The following SLC25A13 variants were observed in gnomAD, a reference collection of about 807,000 sequenced individuals.
SLC25A13 encodes the protein solute carrier family 25 member 13, also known as electrogenic aspartate/glutamate antiporter SLC25A13, mitochondrial.
SLC25A13 carries 70 observed loss-of-function variants against 85.5 expected under a neutral mutation model. That is an observed-to-expected ratio of 0.82 (90% CI 0.68 to 1.00). The LOEUF is 1.00. SLC25A13 is among the 50% of genes least tolerant of loss of function. The pLI, the probability that SLC25A13 is intolerant of heterozygous loss-of-function variation, is 0.00. For synonymous variants in SLC25A13, 259 were observed against 288.7 expected, an observed-to-expected ratio of 0.90 and a Z score of 1.04; for missense variants, 765 against 819.8, an observed-to-expected ratio of 0.93 and a Z score of 0.82.
intron 15 of SLC25A13, among the ~76,000 whole-genome samples, chr7:96,130,613 A>G (rs1791983056): frequency 6.6e-6 from 1 of 152,190 alleles, no homozygotes; most frequent in African/African-American, 2.4e-5. Context: ...CCTTTGGTTC[A>G]AAACATTTTC....
chr7:96,130,527 CA>C (rs1178749691), intron 15 of SLC25A13, among the ~76,000 whole-genome samples: 1 of 152,172 alleles, frequency 6.6e-6, no homozygotes, highest in African/African-American at 2.4e-5. Context: ...CAAGGTCACA[CA>C]TTAATAAGTG....
At chr7:96,185,848 C>T (rs1402229588) in intron 9 of SLC25A13, among the ~76,000 whole-genome samples, 4 of 146,108 alleles carry the variant, frequency 2.7e-5, no homozygotes, top group South Asian at 2.2e-4. Context: ...TGCAGTGAGC[C>T]GAGATCGCGC....
At chr7:96,140,918 C>G (rs188758065) in intron 14 of SLC25A13, among the ~76,000 whole-genome samples, 2 of 151,892 alleles carry the variant, frequency 1.3e-5, no homozygotes, top group Admixed American at 6.6e-5. Context: ...GGAGAAATAT[C>G]TATTCTAGTC....
chr7:96,252,474 C>T (rs534075762), intron 3 of SLC25A13, among the ~76,000 whole-genome samples: 42 of 152,164 alleles, frequency 2.8e-4, no homozygotes, highest in African/African-American at 7.7e-4. Context: ...CTATTAGGTA[C>T]GCAAATGGAC....
At chr7:96,278,659 G>T (rs553034327) in intron 2 of SLC25A13, among the ~76,000 whole-genome samples, 57 of 152,126 alleles carry the variant, frequency 3.7e-4, no homozygotes, top group African/African-American at 1.3e-3. Context: ...TTAGCACAAC[G>T]CCCTATACAC....
At chr7:96,179,345 T>G (rs537373084) in intron 11 of SLC25A13, among the ~76,000 whole-genome samples, 3 of 152,238 alleles carry the variant, frequency 2.0e-5, no homozygotes, top group South Asian at 2.1e-4. Context: ...TTTTGAGGTG[T>G]GGAACTAATT....
At chr7:96,275,371 A>C (rs573509438) in intron 3 of SLC25A13, among the ~76,000 whole-genome samples, 16 of 152,336 alleles carry the variant, frequency 1.1e-4, no homozygotes, top group African/African-American at 1.4e-4. Context: ...TTGACCCAGC[A>C]ATCCCATTAC....
In SLC25A13 at chr7:96,240,980, AGAGGGGAGGG is replaced by A. The variant is rs1193179185; in HGVS notation, c.213-6073_213-6064del. Among the ~76,000 whole-genome samples, 18 of 14,634 alleles carry A rather than the reference AGAGGGGAGGG, an allele frequency of 1.2e-3. 1 individual carries two copies. The highest frequency in any genetic ancestry group is 3.2e-3 in the Admixed American group (3 of 930). The allele number at this position is 14,634 out of a possible 152,430, so 9.6% of individuals were successfully genotyped here. The stretch of plus-strand genomic sequence containing the variant: ...GAGCTACGAAAGCCGAAAGGAGAGG[AGAGGGGAGGG>A]GAGGGGAGGGGAGGGGAGGGAAAGA... On this transcript the variant is annotated intron_variant, in intron 3 of 17. Coordinates refer to ENST00000265631, the MANE Select transcript of SLC25A13 (RefSeq NM_014251.3).
chr7:96,223,111 C>T (rs892124156), intron 4 of SLC25A13, among the ~76,000 whole-genome samples: 3 of 151,886 alleles, frequency 2.0e-5, no homozygotes, highest in South Asian at 2.1e-4. Flanking sequence ...CTCATTTAGA[C>T]GAAATATTAC....
chr7:96,170,937 C>G (rs568701808), intron 12 of SLC25A13, among the ~76,000 whole-genome samples: 16 of 152,292 alleles, frequency 1.1e-4, no homozygotes, highest in African/African-American at 3.6e-4. Flanking sequence ...GGATCAACTT[C>G]AACTAGAACC....
chr7:96,258,855 A>C (rs960971427), intron 3 of SLC25A13, among the ~76,000 whole-genome samples: 1 of 152,212 alleles, frequency 6.6e-6, no homozygotes, highest in African/African-American at 2.4e-5. Flanking sequence ...TGGTACTAGT[A>C]CCAAAACAGA....
Position 96,208,837 on chromosome 7 carries a change from C to G in SLC25A13, c.468+1G>C, listed in dbSNP as rs1060499612. ...TTTAACTTTTTAAGAGCTAGACCCACCAATAAAAACTGAGTAAATTCCGCA... is the reference window on the plus strand; with the variant it reads ...TTTAACTTTTTAAGAGCTAGACCCAGCAATAAAAACTGAGTAAATTCCGCA... On this transcript the variant is annotated splice_donor_variant, in intron 5 of 17. Transcript: ENST00000265631. LOFTEE classifies it high-confidence loss of function. The G allele has an allele frequency of 6.2e-7, 1 of 1,613,800 alleles. No homozygotes were observed.
intron 3 of SLC25A13, among the ~76,000 whole-genome samples, chr7:96,271,325 A>C (rs992348673): frequency 1.3e-5 from 2 of 152,210 alleles, no homozygotes; most frequent in Non-Finnish European, 2.9e-5. Context: ...CTCTGTATCT[A>C]ATATGTACAA....
intron 13 of SLC25A13, among the ~76,000 whole-genome samples, chr7:96,158,559 G>A (rs748548530): frequency 6.6e-6 from 1 of 152,168 alleles, no homozygotes; most frequent in Non-Finnish European, 1.5e-5. Context: ...ATGCTCAATT[G>A]AATGTACTTA....
At chr7:96,229,186 G>A (rs1237734900) in intron 4 of SLC25A13, among the ~76,000 whole-genome samples, 1 of 152,224 alleles carries the variant, frequency 6.6e-6, no homozygotes, top group Non-Finnish European at 1.5e-5. Flanking sequence ...GTCGGGTGGG[G>A]ACTCGGAGAA....
intron 12 of SLC25A13, among the ~76,000 whole-genome samples, chr7:96,170,469 T>G (rs1793950004): frequency 6.6e-6 from 1 of 152,222 alleles, no homozygotes; most frequent in African/African-American, 2.4e-5. Context: ...AAAACTGTTT[T>G]ATAAGGCTTG....
chr7:96,320,030 G>A (rs1196657162), intron 1 of SLC25A13, among the ~76,000 whole-genome samples: 4 of 152,118 alleles, frequency 2.6e-5, no homozygotes, highest in Non-Finnish European at 5.9e-5. Flanking sequence ...TTTGAGACAG[G>A]GTCTTGCTCT....
chr7:96,184,583 T>C (rs1033924361), intron 10 of SLC25A13, 148 bp from the exon 11 acceptor site: 9 of 747,302 alleles, frequency 1.2e-5, no homozygotes, highest in South Asian at 8.6e-5. Flanking sequence ...CTTTCTTATA[T>C]CTTTAATAAA....
intron 13 of SLC25A13, among the ~76,000 whole-genome samples, chr7:96,156,497 G>A (rs1440068715): frequency 1.3e-5 from 2 of 151,972 alleles, no homozygotes; most frequent in Non-Finnish European, 2.9e-5. Context: ...TGTCGCCCAG[G>A]CTGGAGTGCA....
Sources: allele counts gnomAD v4.1 joint callset (sites outside exome capture counted in the v4.1 genomes callset), GRCh38; gene constraint gnomAD v4.1.1; transcripts MANE v1.5; gene names NCBI Gene and HGNC (gene_info 2026-07-23, HGNC 2026-07-21).